The following EPHB1 variants were observed in gnomAD, a reference collection of about 807,000 sequenced individuals.
The protein encoded by EPHB1 is ephrin type-B receptor 1.
Under a neutral mutation model 94.4 loss-of-function variants are expected in EPHB1, and 30 were observed. That is an observed-to-expected ratio of 0.32 (90% confidence interval 0.24 to 0.43). The LOEUF is 0.43. EPHB1 is among the 20% of genes least tolerant of loss of function. The pLI is 1.00. For missense variants in EPHB1, 1,055 were observed against 1,308.3 expected (o/e 0.81, Z 2.99); for synonymous variants, 522 against 489.1 (o/e 1.07, Z -0.89).
intron 7 of EPHB1, 59 bp downstream of exon 7, chr3:135,162,239 A>G: frequency 6.7e-7 from 1 of 1,492,922 alleles, no homozygotes; most frequent in Non-Finnish European, 9.0e-7. Context: ...GAGAAAAAGT[A>G]GCCCCAAAGA....
At chr3:135,173,442 C>T (rs1941874994) in intron 9 of EPHB1, among the ~76,000 whole-genome samples, 2 of 152,148 alleles carry the variant, frequency 1.3e-5, no homozygotes, top group Admixed American at 1.3e-4. Flanking sequence ...TGTGGTAAAA[C>T]CCCCAAACAC....
At chr3:135,144,218 G>A (rs1317540805) in intron 5 of EPHB1, among the ~76,000 whole-genome samples, 4 of 152,204 alleles carry the variant, frequency 2.6e-5, no homozygotes, top group Non-Finnish European at 4.4e-5. Context: ...ACTTGGGGAA[G>A]TCATTTTCCC....
At chr3:134,930,431 T>C (rs1189197793) in intron 2 of EPHB1, among the ~76,000 whole-genome samples, 2 of 152,194 alleles carry the variant, frequency 1.3e-5, no homozygotes, top group African/African-American at 2.4e-5. Flanking sequence ...ACAAACACAT[T>C]TACAAAGTAA....
In EPHB1 at chr3:135,221,561, C is replaced by T. The variant is rs116069498; in HGVS notation, c.2347-19587C>T. Among the ~76,000 whole-genome samples the T allele has an allele frequency of 2.9e-3, 440 of 152,288 alleles. 1 individual carries two copies. The highest frequency in any genetic ancestry group is 4.3e-3 in the Non-Finnish European group (293 of 68,024). ...GGAGCTCTAATGACAGACAATCTAA[C>T]GCACAGGACTTAACAGGAGATAATT... On this transcript the variant is annotated intron_variant, in intron 12 of 15. Transcript: ENST00000398015.
At chr3:134,912,393 A>G (rs1160401022) in intron 1 of EPHB1, among the ~76,000 whole-genome samples, 2 of 152,200 alleles carry the variant, frequency 1.3e-5, no homozygotes, top group Non-Finnish European at 2.9e-5. Context: ...GACTCTCACC[A>G]CAAAAATGCA....
At chr3:135,061,374 C>CCCA (rs1553727860) in intron 3 of EPHB1, among the ~76,000 whole-genome samples, 11 of 126,414 alleles carry the variant, frequency 8.7e-5, no homozygotes, top group Admixed American at 5.4e-4. Flanking sequence ...GACCACCCCC[C>CCCA]CCGACCCAAG....
At chr3:134,831,080 C>G (rs959143193) in intron 1 of EPHB1, among the ~76,000 whole-genome samples, 9 of 152,200 alleles carry the variant, frequency 5.9e-5, no homozygotes, top group Non-Finnish European at 8.8e-5. Flanking sequence ...AGTGCTTCCC[C>G]TAAACCCTTC....
intron 1 of EPHB1, among the ~76,000 whole-genome samples, chr3:134,843,043 A>G (rs569904268): frequency 1.3e-5 from 2 of 152,262 alleles, no homozygotes; most frequent in African/African-American, 2.4e-5. Flanking sequence ...TTCATCTTGA[A>G]TAACATTCTT....
chr3:134,816,058 T>TCCTGAACAGATAGAATAGCTTTC (rs1448300776), intron 1 of EPHB1, among the ~76,000 whole-genome samples: 2 of 137,804 alleles, frequency 1.5e-5, no homozygotes, highest in Non-Finnish European at 3.0e-5. Flanking sequence ...GAGGTACTTT[T>TCCTGAACAGATAGAATAGCTTTC]TTTCTTTTTT....
chr3:134,954,322 G>C (rs142603783), intron 3 of EPHB1, among the ~76,000 whole-genome samples: 18 of 152,152 alleles, frequency 1.2e-4, no homozygotes, highest in Non-Finnish European at 2.2e-4. Context: ...ACTCTTTGGT[G>C]GGGGGTGGGA....
chr3:135,062,804 T>A (rs527524315), intron 3 of EPHB1, among the ~76,000 whole-genome samples: 7 of 152,222 alleles, frequency 4.6e-5, no homozygotes, highest in Non-Finnish European at 8.8e-5. Context: ...TCTTCCAGGA[T>A]TTTTATAGTT....
intron 3 of EPHB1, among the ~76,000 whole-genome samples, chr3:135,056,241 GCTCC>G (rs534563604): frequency 4.2e-4 from 64 of 152,316 alleles, no homozygotes; most frequent in African/African-American, 1.5e-3. Context: ...AGAAGGTAAG[GCTCC>G]CTTCTGTGGA....
chr3:135,167,983 C>A (rs1941697574), intron 9 of EPHB1, among the ~76,000 whole-genome samples: 1 of 152,214 alleles, frequency 6.6e-6, no homozygotes, highest in African/African-American at 2.4e-5. Context: ...CATGGACTCC[C>A]AGGCCAAAGT....
intron 3 of EPHB1, among the ~76,000 whole-genome samples, chr3:135,079,369 G>A (rs954439222): frequency 2.6e-5 from 4 of 152,140 alleles, no homozygotes; most frequent in South Asian, 2.1e-4. Context: ...ATATATGCCC[G>A]TTTATCCAAT....
chr3:135,066,142 G>C (rs1937577649), intron 3 of EPHB1, among the ~76,000 whole-genome samples: 2 of 152,084 alleles, frequency 1.3e-5, no homozygotes, highest in Non-Finnish European at 2.9e-5. Flanking sequence ...TCTTTCCTTT[G>C]TCTTAACTTT....
chr3:135,146,572 C>G (rs948229704), intron 5 of EPHB1, among the ~76,000 whole-genome samples: 13 of 152,196 alleles, frequency 8.5e-5, no homozygotes, highest in African/African-American at 2.9e-4. Context: ...TACCCTATCA[C>G]TTACTTTCTA....
intron 6 of EPHB1, among the ~76,000 whole-genome samples, chr3:135,161,581 G>T (rs1941507798): frequency 6.6e-6 from 1 of 152,196 alleles, no homozygotes; most frequent in African/African-American, 2.4e-5. Flanking sequence ...AGAGAAAACA[G>T]AACAACTCAG....
chr3:134,931,839 ATGTT>A (rs531462581), intron 2 of EPHB1, among the ~76,000 whole-genome samples: 45 of 151,782 alleles, frequency 3.0e-4, no homozygotes, highest in South Asian at 1.0e-3. Context: ...ATGTGTGTCT[ATGTT>A]TGTACATATG....
chr3:135,119,704 G>A (rs1405940637), intron 4 of EPHB1, among the ~76,000 whole-genome samples: 1 of 152,012 alleles, frequency 6.6e-6, no homozygotes, highest in Non-Finnish European at 1.5e-5. Context: ...CCCCTGTCTT[G>A]GCCTCCCAAA....
Sources: gnomAD v4.1 joint callset for allele counts (sites outside exome capture counted in the v4.1 genomes callset) on GRCh38, gnomAD v4.1.1 for gene constraint, MANE v1.5 for transcripts, NCBI Gene and HGNC (gene_info 2026-07-23, HGNC 2026-07-21) for gene names.